The following MSH6 variants were observed in gnomAD, a reference collection of about 807,000 sequenced individuals.
MSH6 encodes DNA mismatch repair protein Msh6.
Under a neutral mutation model 119.1 loss-of-function variants are expected in MSH6, and 85 were observed. The ratio of observed to expected loss-of-function variants is 0.71; its 90% CI spans 0.60 to 0.85. The LOEUF (loss-of-function observed/expected upper bound fraction) is 0.85, where lower values mean the gene tolerates loss of function less well. MSH6 is among the 40% of genes least tolerant of loss of function. MSH6 has a pLI of 0.00. For synonymous variants in MSH6, 830 were observed against 586.9 expected, an observed-to-expected ratio of 1.41 and a Z score of -5.99; for missense variants, 2,163 against 1,655.3, an observed-to-expected ratio of 1.31 and a Z score of -5.32.
At position 47,783,185 on chromosome 2, in the gene MSH6, T is replaced by G. The variant is rs113081858; in HGVS notation, c.-49T>G. On this transcript the variant is annotated 5_prime_UTR_variant, in exon 1 of 10. Transcript: ENST00000234420. ...AGGAGCCGCGCGGTAGATGCGGTGC[T>G]TTTAGGAGCTCCGTCCGACAGAACG... 2.5e-6 allele frequency: 4 copies of G among 1,606,784 alleles called. No homozygotes were observed. The highest frequency in any genetic ancestry group is 2.7e-5 in the African/African-American group (2 of 73,908).
chr2:47,784,353 C>T (rs112593710), intron 1 of MSH6: 1 of 677,746 alleles, frequency 1.5e-6, no homozygotes, highest in Non-Finnish European at 1.8e-6. Context: ...TATGGGGCAC[C>T]ACTGGGCTTT....
downstream of MSH6, chr2:47,806,999 T>C: frequency 1.4e-6 from 1 of 707,984 alleles, no homozygotes; most frequent in Non-Finnish European, 2.5e-6. Flanking sequence ...TTTTAATTCT[T>C]ATCTACCTTC....
Position 47,803,554 on chromosome 2 carries a change from T to C in MSH6, c.3307T>C (p.Phe1103Leu), listed in dbSNP as rs1553331522. The C allele has an allele frequency of 1.2e-6, 2 of 1,614,160 alleles. No individual in the cohort carries two copies. The highest frequency in any genetic ancestry group is 1.7e-6 in the Non-Finnish European group (2 of 1,180,036). Reference sequence around the variant, plus strand: ...ACGCCATCCTTGCATTACGAAGACTTTTTTTGGAGATGATTTTATTCCTAA... The same window carrying C: ...ACGCCATCCTTGCATTACGAAGACTCTTTTTGGAGATGATTTTATTCCTAA... Reference protein sequence around the residue: ...GSRHPCITKTFFGDDFIPNDI... With the variant: ...GSRHPCITKTLFGDDFIPNDI... The change falls in exon 5 of 10, where the codon TTT becomes CTT. Residue 1103 changes from phenylalanine to leucine, a missense_variant. Physicochemically the swap from Phe to Leu is conservative, Grantham distance 22. Transcript: ENST00000234420.
chr2:47,790,801 T>G (rs1668675683), intron 1 of MSH6, 126 bp from the exon 2 acceptor site: 1 of 854,058 alleles, frequency 1.2e-6, no homozygotes. Context: ...ACTTTAAAAA[T>G]TATTCTAGAA....
downstream of MSH6, chr2:47,809,517 A>T: frequency 1.0e-6 from 1 of 984,184 alleles, no homozygotes; most frequent in Non-Finnish European, 1.5e-6. Context: ...AGAGTGACAT[A>T]AGGAATCAAG....
rs1558662912 is a variant in MSH6 at position 47,799,757 on chromosome 2, G to A, written c.1774G>A (p.Val592Ile). The A allele has an allele frequency of 1.2e-6, 2 of 1,614,144 alleles. No individual in the cohort carries two copies. The highest frequency in any genetic ancestry group is 1.7e-6 in the Non-Finnish European group (2 of 1,180,030). Residue 592 changes from valine to isoleucine, a missense_variant, in exon 4 of 10, where the codon GTA (valine) becomes ATA (isoleucine). By Grantham distance (29) the Val-to-Ile change is conservative. Coordinates refer to ENST00000234420, the MANE Select transcript of MSH6 (RefSeq NM_000179.3). ...FRTLVAHYPP[V>I]QVLFEKGNLS... Reference sequence around the variant, plus strand: ...GACTCTAGTGGCACACTATCCCCCAGTACAAGTTTTATTTGAAAAAGGAAA... The same window carrying A: ...GACTCTAGTGGCACACTATCCCCCAATACAAGTTTTATTTGAAAAAGGAAA...
chr2:47,802,632 CCT>C (rs1491554084), intron 4 of MSH6, among the ~76,000 whole-genome samples: 3 of 148,234 alleles, frequency 2.0e-5, no homozygotes, highest in Non-Finnish European at 3.0e-5. Flanking sequence ...TGCGCCCAGC[CCT>C]GTTTTTTTTT....
At chr2:47,795,046 G>C (rs1668985792) in intron 2 of MSH6, among the ~76,000 whole-genome samples, 1 of 152,102 alleles carries the variant, frequency 6.6e-6, no homozygotes, top group South Asian at 2.1e-4. Flanking sequence ...GCCTGCTTCT[G>C]CCTCCCAGAG....
chr2:47,795,342 T>C (rs1669005301), intron 2 of MSH6, among the ~76,000 whole-genome samples: 2 of 152,194 alleles, frequency 1.3e-5, no homozygotes, highest in African/African-American at 4.8e-5. Context: ...TAATGGGGCA[T>C]AACAAATTAT....
At chr2:47,807,806 A>T (rs1441945896), downstream of MSH6, 2 of 283,282 alleles carry the variant, frequency 7.1e-6, no homozygotes. Flanking sequence ...ATTGGACTGC[A>T]TTCAATGCTA....
intron 2 of MSH6, among the ~76,000 whole-genome samples, chr2:47,795,422 ATGTGTGTG>A (rs10699372): frequency 1.6e-4 from 22 of 141,728 alleles, no homozygotes; most frequent in East Asian, 8.2e-4. Flanking sequence ...AAGTTATTTT[ATGTGTGTG>A]TGTGTGTGTG....
In MSH6 at chr2:47,800,833, CCTCCTGGA is replaced by C. The variant is rs63750940; in HGVS notation, c.2851_2858del (p.Leu951IlefsTer12). The C allele has an allele frequency of 6.2e-7, 1 of 1,614,024 alleles. No homozygotes were observed. Among genetic ancestry groups the C allele is most frequent in the Non-Finnish European group, 8.5e-7 (1 of 1,179,974 alleles). The stretch of plus-strand genomic sequence containing the variant: ...CTGACATAAGAGAAAATGAACAGAG[CCTCCTGGA>C]ATACCTAGAGAAACAGCGCAACAGA... On this transcript the variant is annotated frameshift_variant, in exon 4 of 10. Coordinates refer to ENST00000234420, the MANE Select transcript of MSH6 (RefSeq NM_000179.3). LOFTEE classifies it high-confidence loss of function.
rs1363957491 is a variant in MSH6, at chr2:47,799,242, A to T, written c.1259A>T (p.Asn420Ile). 1 of 1,614,182 alleles carries T rather than the reference A, an allele frequency of 6.2e-7. No individual in the cohort carries two copies. The highest frequency in any genetic ancestry group is 2.2e-5 in the East Asian group (1 of 44,886). Residue 420 changes from asparagine (N) to isoleucine (I), a missense_variant, in exon 4 of 10, where the codon AAC becomes ATC. Coordinates refer to ENST00000234420, the MANE Select transcript of MSH6 (RefSeq NM_000179.3). ...MRKWWQIKSQ[N>I]FDLVICYKVG... Reference sequence around the variant, plus strand: ...AAGTGGTGGCAGATTAAGTCTCAGAACTTTGATCTTGTCATCTGTTACAAG... The same window carrying T: ...AAGTGGTGGCAGATTAAGTCTCAGATCTTTGATCTTGTCATCTGTTACAAG...
chr2:47,809,330 T>G (rs1670454119), downstream of MSH6: 3 of 1,060,566 alleles, frequency 2.8e-6, no homozygotes, highest in Admixed American at 2.3e-5. Context: ...AACCAAAGAT[T>G]ATAGGATTAT....
chr2:47,806,608 G>A lies in MSH6; in HGVS notation c.3958G>A (p.Ala1320Thr), dbSNP rs376300764. 3 of 1,612,830 alleles carry A rather than the reference G, an allele frequency of 1.9e-6. No homozygotes were observed. Among genetic ancestry groups the A allele is most frequent in the Non-Finnish European group, 2.5e-6 (3 of 1,179,762 alleles). The change falls in exon 9 of 10, where the codon GCA (alanine) becomes ACA (threonine). Residue 1320 changes from alanine to threonine, a missense_variant. Transcript: ENST00000234420. ...EEVIQKGHRK[A>T]REFEKMNQSL... Reference sequence around the variant, plus strand: ...AGTTATTCAAAAGGGACATAGAAAAGCAAGAGAATTTGAGAAGATGAATCA... The same window carrying A: ...AGTTATTCAAAAGGGACATAGAAAAACAAGAGAATTTGAGAAGATGAATCA...
intron 2 of MSH6, among the ~76,000 whole-genome samples, chr2:47,793,772 C>G (rs1159610683): frequency 1.3e-5 from 2 of 151,498 alleles, no homozygotes; most frequent in African/African-American, 4.8e-5. Flanking sequence ...GCTTTATCAC[C>G]CAGGCTGGAG....
chr2:47,807,027 A>C, downstream of MSH6: 4 of 634,372 alleles, frequency 6.3e-6, no homozygotes, highest in Non-Finnish European at 1.1e-5. Flanking sequence ...TGGTTATTGA[A>C]TACTCCACAA....
intron 4 of MSH6, chr2:47,801,361 G>GTTTTTTTTTTTATTTT (rs1669577708): frequency 1.2e-5 from 1 of 84,402 alleles, no homozygotes; most frequent in Non-Finnish European, 2.0e-5. Flanking sequence ...CCTTTCTTCA[G>GTTTTTTTTTTTATTTT]TTTTTTTTTT....
At chr2:47,798,482 G>T in intron 3 of MSH6, 129 bp from the exon 4 acceptor site, 1 of 907,556 alleles carries the variant, frequency 1.1e-6, no homozygotes, top group South Asian at 1.5e-5. Context: ...ATCGAATACT[G>T]TACTAAAAAT....
Sources: allele counts gnomAD v4.1 joint callset (sites outside exome capture counted in the v4.1 genomes callset), GRCh38; gene constraint gnomAD v4.1.1; transcripts MANE v1.5; gene names NCBI Gene and HGNC (gene_info 2026-07-23, HGNC 2026-07-21).